Variants in SRSF4 observed in about 807,000 individuals in gnomAD.
SRSF4 encodes the protein serine/arginine-rich splicing factor 4.
SRSF4 carries 12 observed loss-of-function variants against 48.8 expected under a neutral mutation model. The observed-to-expected ratio is 0.25, with a 90% CI of 0.16 to 0.40. SRSF4 has a LOEUF of 0.40. Ranked by LOEUF, SRSF4 falls within the 10% of genes least tolerant of loss-of-function variation. SRSF4 has a pLI of 1.00. For synonymous variants in SRSF4, 248 were observed against 232.5 expected (o/e 1.07, Z -0.61); for missense variants, 466 against 667.1 (o/e 0.70, Z 3.32).
rs551100181 is a variant in SRSF4, at chr1:29,150,109, C to A, written c.662G>T (p.Arg221Leu). Residue 221 changes from arginine (R) to leucine (L), a missense_variant, in exon 5 of 6, where the codon CGG becomes CTG. By Grantham distance (102) the Arg-to-Leu change is moderately radical. This residue lies in a region of SRSF4 where 402 missense variants were observed against 437.0 expected (regional missense o/e 0.92). Coordinates refer to ENST00000373795, the MANE Select transcript of SRSF4 (RefSeq NM_005626.5). ...TATAACATGGAAGACATACCTGGAC[C>A]GAGATCTACTCTTAGAATGACTGCT... is the stretch of plus-strand genomic sequence containing the variant. ...SKSSHSKSRSRSRSGSRSRSK... is the reference protein window; with the variant it reads ...SKSSHSKSRSLSRSGSRSRSK... 6.2e-7 allele frequency: 1 copy of A among 1,613,374 alleles called. No homozygotes were observed. Among genetic ancestry groups the A allele is most frequent in the African/African-American group, 1.3e-5 (1 of 74,870 alleles).
At position 29,150,003 on chromosome 1, in the gene SRSF4, G is replaced by A. The variant is rs1672381438; in HGVS notation, c.668+100C>T. 3 of 975,188 alleles carry A rather than the reference G, an allele frequency of 3.1e-6. No individual in the cohort carries two copies. The Admixed American group carries it at 5.6e-5, about 18-fold the overall frequency. The allele number at this position is 975,188 out of a possible 1,614,324, so 60.4% of individuals were successfully genotyped here. Reference sequence around the variant, plus strand: ...TGACTGTACCACTGGACTCCAGCTTGGGTGACAGAGTGTCTCTTTGAAAAA... The same window carrying A: ...TGACTGTACCACTGGACTCCAGCTTAGGTGACAGAGTGTCTCTTTGAAAAA... On this transcript the variant is annotated intron_variant, in intron 5 of 5. Transcript: ENST00000373795.
chr1:29,177,752 A>G (rs747496073), intron 1 of SRSF4, among the ~76,000 whole-genome samples: 10 of 152,286 alleles, frequency 6.6e-5, no homozygotes, highest in Admixed American at 1.3e-4. Flanking sequence ...GCCTGGTGTA[A>G]TAAAACGGTA....
At chr1:29,174,166 C>T (rs1306830628) in intron 1 of SRSF4, among the ~76,000 whole-genome samples, 1 of 149,874 alleles carries the variant, frequency 6.7e-6, no homozygotes, top group African/African-American at 2.5e-5. Flanking sequence ...TGCACTGCAG[C>T]CTGGGAGACA....
At chr1:29,155,063 T>C (rs1283072873) in intron 3 of SRSF4, among the ~76,000 whole-genome samples, 153 bp from the exon 4 acceptor site, 5 of 152,240 alleles carry the variant, frequency 3.3e-5, no homozygotes, top group Non-Finnish European at 7.3e-5. Context: ...AATCATGTAC[T>C]GAGGTTCTTT....
chr1:29,149,240 G>C lies in SRSF4; in HGVS notation c.669-14C>G, dbSNP rs1672364432. ...CGGGAGCCCGACCTGAGGAGACATG[G>C]GATACTGTTTGTGTCACATGTGACT... On this transcript the variant is annotated splice_polypyrimidine_tract_variant and intron_variant, in intron 5 of 5. Transcript: ENST00000373795. 6.2e-7 allele frequency: 1 copy of C among 1,602,388 alleles called. No individual in the cohort carries two copies.
chr1:29,159,567 T>C, intron 2 of SRSF4, 81 bp from the exon 3 acceptor site: 1 of 806,468 alleles, frequency 1.2e-6, no homozygotes. Context: ...CCCCCTTAAA[T>C]ATATTATTTA....
intron 1 of SRSF4, among the ~76,000 whole-genome samples, chr1:29,174,169 G>A (rs1017626980): frequency 2.7e-5 from 4 of 150,028 alleles, no homozygotes; most frequent in African/African-American, 7.4e-5. Flanking sequence ...ACTGCAGCCT[G>A]GGAGACAGAT....
intron 3 of SRSF4, among the ~76,000 whole-genome samples, chr1:29,158,184 C>T (rs1442120477): frequency 6.6e-6 from 1 of 151,270 alleles, no homozygotes; most frequent in Non-Finnish European, 1.5e-5. Context: ...AAAAAAAAAG[C>T]TGGAACCAGT....
intron 1 of SRSF4, chr1:29,168,930 A>G (rs933544826): frequency 3.3e-5 from 5 of 152,260 alleles, no homozygotes; most frequent in Non-Finnish European, 7.3e-5. Flanking sequence ...GAAAGTTTAC[A>G]GACTTTCAAC....
At chr1:29,159,696 TATTC>T (rs1029387649) in intron 2 of SRSF4, 140 of 390,608 alleles carry the variant, frequency 3.6e-4, no homozygotes, top group African/African-American at 2.6e-3. Flanking sequence ...TAAGTATACA[TATTC>T]ATTAATATTT....
intron 1 of SRSF4, chr1:29,169,833 A>G (rs1420906500): frequency 6.6e-6 from 1 of 152,210 alleles, no homozygotes; most frequent in Non-Finnish European, 1.5e-5. Flanking sequence ...CTAAACACCA[A>G]ACAGTAAAAC....
chr1:29,155,578 T>C (rs1672488441), intron 3 of SRSF4, among the ~76,000 whole-genome samples: 1 of 152,148 alleles, frequency 6.6e-6, no homozygotes, highest in African/African-American at 2.4e-5. Flanking sequence ...CTGCAACCTC[T>C]GCCTCCCAGG....
chr1:29,150,239 G>C (rs1424080604), intron 4 of SRSF4, 47 bp from the exon 5 acceptor site: 1 of 1,331,604 alleles, frequency 7.5e-7, no homozygotes, highest in Non-Finnish European at 1.1e-6. Flanking sequence ...AGAGGCTGCT[G>C]ATGAGCATCA....
At chr1:29,167,074 G>A (rs1264326140) in intron 1 of SRSF4, among the ~76,000 whole-genome samples, 8 of 152,210 alleles carry the variant, frequency 5.3e-5, no homozygotes, top group African/African-American at 1.9e-4. Flanking sequence ...GGCCTTCAGG[G>A]CTGTCTCTAC....
chr1:29,151,892 G>A (rs573724583), intron 4 of SRSF4, among the ~76,000 whole-genome samples: 2 of 152,328 alleles, frequency 1.3e-5, no homozygotes, highest in East Asian at 1.9e-4. Flanking sequence ...AAGGCAAAAT[G>A]CTATCTGTTA....
At chr1:29,160,657 C>G (rs910709740) in intron 1 of SRSF4, 140 bp from the exon 2 acceptor site, 1 of 886,500 alleles carries the variant, frequency 1.1e-6, no homozygotes, top group Non-Finnish European at 1.6e-6. Context: ...GTCTTCTCTT[C>G]AGGTGAAACC....
At chr1:29,156,429 T>C (rs1672500692) in intron 3 of SRSF4, among the ~76,000 whole-genome samples, 1 of 152,114 alleles carries the variant, frequency 6.6e-6, no homozygotes, top group South Asian at 2.1e-4. Flanking sequence ...CCTTGATAAA[T>C]AGCTAACATA....
intron 1 of SRSF4, among the ~76,000 whole-genome samples, chr1:29,160,845 C>T (rs1345178683): frequency 6.6e-6 from 1 of 152,218 alleles, no homozygotes; most frequent in Admixed American, 6.5e-5. Context: ...TATAATGCTA[C>T]AAGACATATA....
intron 1 of SRSF4, among the ~76,000 whole-genome samples, chr1:29,160,844 A>G (rs1248899162): frequency 6.6e-6 from 1 of 152,274 alleles, no homozygotes; most frequent in Non-Finnish European, 1.5e-5. Context: ...ATATAATGCT[A>G]CAAGACATAT....
Sources: allele counts gnomAD v4.1 joint callset (sites outside exome capture counted in the v4.1 genomes callset), GRCh38; gene constraint gnomAD v4.1.1; regional missense constraint gnomAD v4.1.1; transcripts MANE v1.5; gene names NCBI Gene and HGNC (gene_info 2026-07-23, HGNC 2026-07-21).